Variants in TYK2 observed in about 807,000 individuals in gnomAD.
TYK2 encodes tyrosine kinase 2, also known as non-receptor tyrosine-protein kinase TYK2.
A neutral mutation model predicts 130.9 loss-of-function variants in TYK2; 65 were observed. The observed-to-expected ratio is 0.50, with a 90% CI of 0.41 to 0.61. The LOEUF (loss-of-function observed/expected upper bound fraction) is 0.61. Among genes scored for constraint, TYK2 ranks in the 20% least tolerant of loss-of-function variants. The pLI, the probability that TYK2 is intolerant of heterozygous loss-of-function variation, is 0.00. For missense variants in TYK2, 1,378 were observed against 1,610.7 expected (o/e 0.86, Z 2.47); for synonymous variants, 647 against 658.9 (o/e 0.98, Z 0.28).
At chr19:10,378,491 C>G in intron 2 of TYK2, 65 bp from the exon 3 acceptor site, 1 of 1,342,910 alleles carries the variant, frequency 7.4e-7, no homozygotes, top group Non-Finnish European at 1.0e-6. Context: ...GCTCTTCAAC[C>G]TTCCACCCAC....
Position 10,361,847 on chromosome 19 carries a change from C to G in TYK2, c.1882G>C (p.Val628Leu). 2 of 1,614,018 alleles carry G rather than the reference C, an allele frequency of 1.2e-6. No individual in the cohort carries two copies. Among genetic ancestry groups the G allele is most frequent in the Non-Finnish European group, 8.5e-7 (1 of 1,179,990 alleles). Residue 628 changes from valine to leucine, a missense_variant, in exon 13 of 25, where the codon GTG becomes CTG. By Grantham distance (32) the Val-to-Leu change is conservative (BLOSUM62 1). Transcript: ENST00000525621. The surrounding 1 kb of genome is among the most constrained non-coding windows in gnomAD (Gnocchi z 4.0). ...TCCTGCCCACGGTCCCTGCCAGGCACGAGGGGGTCCTCGTCATCCATCTTG... is the reference window on the plus strand; with the variant it reads ...TCCTGCCCACGGTCCCTGCCAGGCAGGAGGGGGTCCTCGTCATCCATCTTG... ...EGKMDDEDPL[V>L]PGRDRGQELR...
chr19:10,376,704 G>C (rs1265126856), intron 3 of TYK2, among the ~76,000 whole-genome samples: 1 of 151,904 alleles, frequency 6.6e-6, no homozygotes, highest in East Asian at 1.9e-4. Context: ...CCAGGTTCAA[G>C]CTATTCTCCT....
chr19:10,362,715 C>T, intron 9 of TYK2, 58 bp from the exon 10 acceptor site: 14 of 1,445,816 alleles, frequency 9.7e-6, no homozygotes, highest in Non-Finnish European at 1.2e-5. Flanking sequence ...GACCCATACC[C>T]GGGAACAATG....
At chr19:10,372,160 T>G (rs1485060993) in intron 3 of TYK2, among the ~76,000 whole-genome samples, 1 of 151,044 alleles carries the variant, frequency 6.6e-6, no homozygotes, top group Non-Finnish European at 1.5e-5. Context: ...CCAGCTAATT[T>G]TTTTGTATTT....
chr19:10,366,003 C>A, intron 6 of TYK2, 105 bp from the exon 7 acceptor site: 1 of 1,266,218 alleles, frequency 7.9e-7, no homozygotes, highest in Admixed American at 2.6e-5. Flanking sequence ...GCTGCCTCAT[C>A]TGGAAAACAG....
At position 10,372,281 on chromosome 19, in the gene TYK2, C is replaced by T. The variant is rs190090525; in HGVS notation, c.194-3863G>A. ...GTGCTGGGATTACAGGCGTGAGCCA[C>T]GGCGCCCGGCCTGGGTTTTTTTTTT... On this transcript the variant is annotated intron_variant, in intron 3 of 24. Transcript: ENST00000525621. Among the ~76,000 whole-genome samples, 36 of 146,482 alleles carry T rather than the reference C, an allele frequency of 2.5e-4. No homozygotes were observed. The East Asian group carries it at 6.8e-3, about 28-fold the overall frequency.
At position 10,378,832 on chromosome 19, in the gene TYK2, T is replaced by C. The variant is rs559106264; in HGVS notation, c.-20-406A>G. On this transcript the variant is annotated intron_variant, in intron 2 of 24. Coordinates refer to ENST00000525621, the MANE Select transcript of TYK2 (RefSeq NM_003331.5). Reference sequence around the variant, plus strand: ...CCTGTTTCTACAAGACGTTTTATTTTATATCTTATCTTATCTTATCTTATC... The same window carrying C: ...CCTGTTTCTACAAGACGTTTTATTTCATATCTTATCTTATCTTATCTTATC... Among the ~76,000 whole-genome samples, 444 of 123,634 alleles carry C rather than the reference T, an allele frequency of 3.6e-3. 7 individuals are homozygous for C. The highest frequency in any genetic ancestry group is 9.2e-3 in the South Asian group (34 of 3,702). The allele number at this position is 123,634 out of a possible 152,430, so 81.1% of individuals were successfully genotyped here. A position where few individuals can be genotyped will look rare whatever the true frequency, so the allele number is the denominator to read the frequency against.
chr19:10,367,040 G>A (rs2041695090), intron 5 of TYK2, among the ~76,000 whole-genome samples: 1 of 146,668 alleles, frequency 6.8e-6, no homozygotes, highest in Non-Finnish European at 1.5e-5. Flanking sequence ...ATGAAACTCT[G>A]TCTCAAAAAA....
chr19:10,366,013 G>C (rs2041648224), intron 6 of TYK2, 115 bp from the exon 7 acceptor site: 1 of 1,150,942 alleles, frequency 8.7e-7, no homozygotes, highest in Non-Finnish European at 1.2e-6. Flanking sequence ...CTGGAAAACA[G>C]GCACACTAGC....
chr19:10,373,127 C>G (rs558898406), intron 3 of TYK2, among the ~76,000 whole-genome samples: 17 of 150,812 alleles, frequency 1.1e-4, no homozygotes, highest in South Asian at 4.2e-4. Flanking sequence ...ACCTCCACCC[C>G]CTGGGTTCAA....
intron 2 of TYK2, among the ~76,000 whole-genome samples, chr19:10,378,975 C>T (rs2042274475): frequency 1.3e-5 from 2 of 152,122 alleles, no homozygotes; most frequent in Non-Finnish European, 2.9e-5. Context: ...TTAAGTGATT[C>T]TCCTGCCTCA....
At position 10,362,131 on chromosome 19, in the gene TYK2, G is replaced by T; in HGVS notation, c.1720C>A (p.Leu574Ile). ...TGGAAGCTGAGCTGGCTGAGGTTGA[G>T]TGTCCTGGGGCTGGCCCGAGCCCCC... ...MRGARASPRT[L>I]NLSQLSFHRV... The change falls in exon 12 of 25, where the codon CTC (leucine) becomes ATC (isoleucine). Residue 574 changes from leucine (L) to isoleucine (I), a missense_variant. By Grantham distance (5) the Leu-to-Ile change is conservative. Coordinates refer to ENST00000525621, the MANE Select transcript of TYK2 (RefSeq NM_003331.5). 1 of 1,614,106 alleles carries T rather than the reference G, an allele frequency of 6.2e-7. No homozygotes were observed. The highest frequency in any genetic ancestry group is 8.5e-7 in the Non-Finnish European group (1 of 1,180,036).
At chr19:10,370,467 T>C (rs1279438350) in intron 3 of TYK2, among the ~76,000 whole-genome samples, 1 of 150,834 alleles carries the variant, frequency 6.6e-6, no homozygotes, top group East Asian at 1.9e-4. Context: ...TGAGCCGAGA[T>C]TGTGCCACTG....
chr19:10,364,739 C>T lies in TYK2; in HGVS notation c.1242G>A (p.Leu414=). 6.2e-7 allele frequency: 1 copy of T among 1,613,894 alleles called. No homozygotes were observed. Among genetic ancestry groups the T allele is most frequent in the East Asian group, 2.2e-5 (1 of 44,874 alleles). ...AGCCGTCCACCAGCGACACGAAGGA[C>T]AGCGCCGCAGCCCGGGAAGGCAAGC... ...ELSLPSRAAA[L]SFVSLVDGYF... is the part of the protein sequence containing the mutation. Residue 414 remains leucine (L), a synonymous_variant, in exon 9 of 25, where the codon CTG becomes CTA. Coordinates refer to ENST00000525621, the MANE Select transcript of TYK2 (RefSeq NM_003331.5). The surrounding 1 kb of genome is among the most constrained non-coding windows in gnomAD (Gnocchi z 4.9).
chr19:10,353,552 C>A lies in TYK2; in HGVS notation c.3003G>T (p.Leu1001=). ...CCTCGCAGATCTGCTGGGCGAAGAG[C>A]AGCAGCTGGGCCAGCCCGATGCTGT... The part of the protein sequence containing the change: ...PRHSIGLAQL[L]LFAQQICEGM... Residue 1001 remains leucine, a synonymous_variant, in exon 21 of 25, where the codon CTG becomes CTT. Coordinates refer to ENST00000525621, the MANE Select transcript of TYK2 (RefSeq NM_003331.5). This position sits in a 1 kb window ranked among gnomAD's most constrained non-coding sequence, Gnocchi z 6.9. The A allele has an allele frequency of 6.7e-7, 1 of 1,499,790 alleles. No individual in the cohort carries two copies. The highest frequency in any genetic ancestry group is 2.4e-5 in the East Asian group (1 of 41,314). The allele number at this position is 1,499,790 out of a possible 1,614,324, so 92.9% of individuals were successfully genotyped here.
In TYK2 at chr19:10,358,295, T is replaced by G. The variant is rs12979105; in HGVS notation, c.2176-157A>C. On this transcript the variant is annotated intron_variant, in intron 15 of 24. Transcript: ENST00000525621. ...TTTTTGGGGGGTTATTTTTTTCTTG[T>G]TTTTTTTTTTTTTTTTTTTTTTTAA... Among the ~76,000 whole-genome samples, 3,416 of 97,586 alleles carry G rather than the reference T, an allele frequency of 0.035. 53 individuals carry two copies. Among genetic ancestry groups the G allele is most frequent in the Non-Finnish European group, 0.05 (2,512 of 50,554 alleles). 64.0% of individuals were successfully genotyped at this position (97,586 alleles called of 152,430 possible). A position where few individuals can be genotyped will look rare whatever the true frequency, so the allele number is the denominator to read the frequency against.
chr19:10,369,189 C>T (rs1025525045), intron 3 of TYK2, among the ~76,000 whole-genome samples: 11 of 152,142 alleles, frequency 7.2e-5, no homozygotes, highest in African/African-American at 2.7e-4. Flanking sequence ...ACCCACATAA[C>T]TCTACAAACT....
In TYK2 at chr19:10,353,173, C is replaced by T; in HGVS notation, c.3028-75G>A. The T allele has an allele frequency of 7.5e-7, 1 of 1,324,766 alleles. No individual in the cohort carries two copies. Among genetic ancestry groups the T allele is most frequent in the Non-Finnish European group, 9.9e-7 (1 of 1,006,102 alleles). 82.1% of individuals were successfully genotyped at this position (1,324,766 alleles called of 1,614,324 possible). A position where few individuals can be genotyped will look rare whatever the true frequency, so the allele number is the denominator to read the frequency against. ...GGGGCGGCGGCAGGACCTGAGCAGC[C>T]AGGAGGGCTGGGGGACAGTCAGGTC... On this transcript the variant is annotated intron_variant, in intron 21 of 24. Coordinates refer to ENST00000525621, the MANE Select transcript of TYK2 (RefSeq NM_003331.5). This position sits in a 1 kb window ranked among gnomAD's most constrained non-coding sequence, Gnocchi z 6.9.
intron 3 of TYK2, among the ~76,000 whole-genome samples, chr19:10,377,620 GTGGA>G (rs2042193424): frequency 2.0e-5 from 1 of 49,858 alleles, no homozygotes; most frequent in Non-Finnish European, 4.0e-5. Flanking sequence ...GGATGGATGG[GTGGA>G]TGGGTGGGTG....
Sources: gnomAD v4.1 joint callset for allele counts (sites outside exome capture counted in the v4.1 genomes callset) on GRCh38, gnomAD v4.1.1 for gene constraint, Gnocchi (gnomAD v3.1) non-coding constraint, MANE v1.5 for transcripts, NCBI Gene and HGNC (gene_info 2026-07-23, HGNC 2026-07-21) for gene names.